The following RELN variants were observed in gnomAD, a reference collection of about 807,000 sequenced individuals.
The protein encoded by RELN is reelin.
In RELN, 108 loss-of-function variants were observed where a neutral mutation model predicts 427.6. The observed-to-expected ratio is 0.25, with a 90% CI of 0.22 to 0.30. The LOEUF (loss-of-function observed/expected upper bound fraction) is 0.30, where lower values mean the gene tolerates loss of function less well. Ranked by LOEUF, RELN falls within the 10% of genes least tolerant of loss-of-function variation. The pLI, the probability that RELN is intolerant of heterozygous loss-of-function variation, is 1.00. For synonymous variants in RELN, 1,524 were observed against 1,513.4 expected (o/e 1.01, Z -0.16); for missense variants, 3,715 against 4,302.8 (o/e 0.86, Z 3.82).
At chr7:103,819,991 T>TGATATATG (rs1792974280) in intron 3 of RELN, among the ~76,000 whole-genome samples, 1 of 151,946 alleles carries the variant, frequency 6.6e-6, no homozygotes, top group Admixed American at 6.6e-5. Context: ...TAAGTTCTGG[T>TGATATATG]GATATATGGA....
chr7:103,683,412 T>C (rs529063934), intron 10 of RELN, among the ~76,000 whole-genome samples: 113 of 152,338 alleles, frequency 7.4e-4, no homozygotes, highest in African/African-American at 2.6e-3. Flanking sequence ...ATTTATTGTG[T>C]ATGCCTAAGA....
chr7:103,913,237 C>T lies in RELN; in HGVS notation c.337+3838G>A, dbSNP rs540007550. 2.3e-4 allele frequency among the ~76,000 whole-genome samples: 35 copies of T among 152,234 alleles called. 1 individual carries two copies. The South Asian group carries it at 7.3e-3, about 32-fold the overall frequency. On this transcript the variant is annotated intron_variant, in intron 2 of 64. Transcript: ENST00000428762. Reference sequence around the variant, plus strand: ...TTTGGCTAGTCATACACACATTTTACATTCAAAGAAGAGTAGCTGTAACTT... The same window carrying T: ...TTTGGCTAGTCATACACACATTTTATATTCAAAGAAGAGTAGCTGTAACTT...
chr7:103,629,172 G>A (rs777969492), intron 20 of RELN, among the ~76,000 whole-genome samples: 31 of 152,130 alleles, frequency 2.0e-4, no homozygotes, highest in African/African-American at 5.3e-4. Context: ...AGCTTTCTCC[G>A]AGAAGCCTCT....
chr7:103,882,333 T>G (rs921681126), intron 2 of RELN, among the ~76,000 whole-genome samples: 3 of 152,184 alleles, frequency 2.0e-5, no homozygotes, highest in African/African-American at 7.2e-5. Context: ...AGGGCCTATT[T>G]GATCATTCTG....
chr7:103,823,988 T>C (rs905678192), intron 3 of RELN, among the ~76,000 whole-genome samples: 1 of 152,136 alleles, frequency 6.6e-6, no homozygotes, highest in Non-Finnish European at 1.5e-5. Context: ...CATTGTCTTC[T>C]GGCATCTTTT....
At chr7:103,942,030 T>C (rs1796125563) in intron 1 of RELN, among the ~76,000 whole-genome samples, 1 of 151,978 alleles carries the variant, frequency 6.6e-6, no homozygotes, top group African/African-American at 2.4e-5. Flanking sequence ...TACAATTTGA[T>C]TTACTGTATT....
chr7:103,909,252 G>A (rs530791293), intron 2 of RELN, among the ~76,000 whole-genome samples: 1 of 152,128 alleles, frequency 6.6e-6, no homozygotes, highest in Admixed American at 6.6e-5. Flanking sequence ...GGGCCTTGGC[G>A]ATAATTAGCA....
rs578023993 is a variant in RELN, at chr7:103,978,535, G to C, written c.226+10596C>G. ...TATATTGTTCATTGTGTTGTAGAAA[G>C]AGTTAGGAATGACTGGTCTAGATGG... On this transcript the variant is annotated intron_variant, in intron 1 of 64. Transcript: ENST00000428762. Among the ~76,000 whole-genome samples the C allele has an allele frequency of 3.3e-5, 5 of 152,326 alleles. No homozygotes were observed. The South Asian group carries it at 1.0e-3, about 32-fold the overall frequency.
chr7:103,688,194 T>A (rs1163103721), intron 10 of RELN, among the ~76,000 whole-genome samples: 1 of 152,088 alleles, frequency 6.6e-6, no homozygotes, highest in African/African-American at 2.4e-5. Context: ...GTTAACATTC[T>A]GATTCTTAAT....
chr7:103,508,677 T>G (rs975837888), intron 51 of RELN, among the ~76,000 whole-genome samples: 1 of 152,118 alleles, frequency 6.6e-6, no homozygotes, highest in Admixed American at 6.5e-5. Context: ...GAGAAAGAAA[T>G]AAAGGGTATT....
intron 2 of RELN, among the ~76,000 whole-genome samples, chr7:103,852,180 G>A (rs1333363922): frequency 6.6e-6 from 1 of 152,160 alleles, no homozygotes; most frequent in Non-Finnish European, 1.5e-5. Flanking sequence ...TTTGGTCCTA[G>A]TGATTTTGAA....
At chr7:103,809,816 G>A (rs1201470934) in intron 3 of RELN, among the ~76,000 whole-genome samples, 2 of 152,176 alleles carry the variant, frequency 1.3e-5, no homozygotes, top group Non-Finnish European at 1.5e-5. Flanking sequence ...ATGTTATTTA[G>A]AGATATGGAG....
intron 8 of RELN, among the ~76,000 whole-genome samples, chr7:103,718,050 T>C (rs1016787333): frequency 1.3e-5 from 2 of 152,122 alleles, no homozygotes; most frequent in African/African-American, 2.4e-5. Flanking sequence ...TTTACATCTA[T>C]TAAAGAAAAA....
intron 11 of RELN, among the ~76,000 whole-genome samples, chr7:103,677,757 A>C (rs1216193076): frequency 8.6e-6 from 1 of 115,836 alleles, no homozygotes; most frequent in Admixed American, 9.7e-5. Flanking sequence ...CAGAGTGAGA[A>C]TCTGTCTCAA....
intron 1 of RELN, among the ~76,000 whole-genome samples, chr7:103,950,267 C>T (rs763744766): frequency 1.1e-4 from 16 of 152,142 alleles, no homozygotes; most frequent in African/African-American, 2.9e-4. Flanking sequence ...AGGAATTTAA[C>T]ATATGAATTT....
chr7:103,937,792 T>C (rs1796019314), intron 1 of RELN, among the ~76,000 whole-genome samples: 1 of 152,226 alleles, frequency 6.6e-6, no homozygotes, highest in East Asian at 1.9e-4. Context: ...CTCATCTTAA[T>C]AAGCTCAGAA....
chr7:103,941,302 A>C (rs570170550), intron 1 of RELN, among the ~76,000 whole-genome samples: 13 of 152,210 alleles, frequency 8.5e-5, no homozygotes, highest in Non-Finnish European at 1.6e-4. Flanking sequence ...AGTGGTAGGT[A>C]AAACATTTTT....
At chr7:103,662,388 G>A (rs918864402) in intron 11 of RELN, among the ~76,000 whole-genome samples, 6 of 152,092 alleles carry the variant, frequency 3.9e-5, no homozygotes, top group South Asian at 2.1e-4. Flanking sequence ...TTGGGAAGCC[G>A]GGGTGGGCGG....
At chr7:103,572,530 T>C (rs1830906122) in intron 30 of RELN, among the ~76,000 whole-genome samples, 1 of 151,858 alleles carries the variant, frequency 6.6e-6, no homozygotes, top group Admixed American at 6.6e-5. Context: ...ATTGTGACAG[T>C]CTGTTATAAT....
Sources: gnomAD v4.1 joint callset for allele counts (sites outside exome capture counted in the v4.1 genomes callset) on GRCh38, gnomAD v4.1.1 for gene constraint, MANE v1.5 for transcripts, NCBI Gene and HGNC (gene_info 2026-07-23, HGNC 2026-07-21) for gene names.